The following NUBPL variants were observed in gnomAD, a reference collection of about 807,000 sequenced individuals.
NUBPL encodes the protein iron-sulfur cluster transfer protein NUBPL.
In NUBPL, 31 loss-of-function variants were observed where a neutral mutation model predicts 45.7. The observed-to-expected ratio is 0.68, with a 90% CI of 0.51 to 0.92. NUBPL has a LOEUF of 0.92. Among genes scored for constraint, NUBPL ranks in the 40% least tolerant of loss-of-function variants. NUBPL has a pLI of 0.00. For missense variants in NUBPL, 401 were observed against 398.7 expected (o/e 1.01, Z -0.05); for synonymous variants, 144 against 140.9 (o/e 1.02, Z -0.15).
chr14:31,627,218 C>T (rs4981869), intron 4 of NUBPL, among the ~76,000 whole-genome samples: 46,501 of 151,694 alleles, frequency 0.31, 7,781 homozygotes, highest in South Asian at 0.41. Context: ...TTAATTTCCC[C>T]GCTTTACTTT....
At chr14:31,769,908 A>G (rs952871639) in intron 6 of NUBPL, among the ~76,000 whole-genome samples, 2 of 152,092 alleles carry the variant, frequency 1.3e-5, no homozygotes, top group Admixed American at 1.3e-4. Context: ...CTAGTTTGTG[A>G]CAAGAATGAT....
chr14:31,808,548 A>G (rs1324289253), intron 7 of NUBPL, among the ~76,000 whole-genome samples: 1 of 152,164 alleles, frequency 6.6e-6, no homozygotes, highest in African/African-American at 2.4e-5. Context: ...TAGATATACA[A>G]TCATGTCATC....
chr14:31,574,101 A>C (rs139626766), intron 3 of NUBPL, among the ~76,000 whole-genome samples: 1 of 152,360 alleles, frequency 6.6e-6, no homozygotes, highest in African/African-American at 2.4e-5. Flanking sequence ...TTTATTTTTC[A>C]CTGAGCAAAT....
At chr14:31,815,126 G>A (rs1343079858) in intron 7 of NUBPL, among the ~76,000 whole-genome samples, 1 of 152,092 alleles carries the variant, frequency 6.6e-6, no homozygotes. Flanking sequence ...ATTACTTTGG[G>A]CAGTATCGCC....
intron 4 of NUBPL, among the ~76,000 whole-genome samples, chr14:31,662,671 T>G (rs1214221290): frequency 6.6e-6 from 1 of 152,202 alleles, no homozygotes; most frequent in African/African-American, 2.4e-5. Flanking sequence ...TATGGCTGCA[T>G]AGTATTCTGT....
intron 4 of NUBPL, among the ~76,000 whole-genome samples, chr14:31,631,492 C>T (rs1312131780): frequency 6.6e-6 from 1 of 151,608 alleles, no homozygotes; most frequent in Non-Finnish European, 1.5e-5. Flanking sequence ...ACCCCCACCC[C>T]ACCCCCCACA....
At chr14:31,649,923 A>G (rs781056029) in intron 4 of NUBPL, among the ~76,000 whole-genome samples, 1 of 152,086 alleles carries the variant, frequency 6.6e-6, no homozygotes, top group South Asian at 2.1e-4. Context: ...GCAATGGCGC[A>G]ATCTCCGCTC....
At chr14:31,679,160 A>G (rs528265239) in intron 6 of NUBPL, among the ~76,000 whole-genome samples, 13 of 152,268 alleles carry the variant, frequency 8.5e-5, no homozygotes, top group African/African-American at 3.1e-4. Flanking sequence ...CTCTTGGGTG[A>G]TGGGGAAGGG....
chr14:31,613,884 A>G (rs902164369), intron 4 of NUBPL, among the ~76,000 whole-genome samples: 1 of 152,132 alleles, frequency 6.6e-6, no homozygotes, highest in Admixed American at 6.6e-5. Flanking sequence ...TATACATACT[A>G]TGTACTCACA....
intron 4 of NUBPL, among the ~76,000 whole-genome samples, chr14:31,649,295 G>T (rs1195836041): frequency 6.6e-6 from 1 of 152,116 alleles, no homozygotes; most frequent in Non-Finnish European, 1.5e-5. Context: ...TGTTAGATTT[G>T]CAAGGCTACC....
chr14:31,727,702 C>G (rs1241562198), intron 6 of NUBPL, among the ~76,000 whole-genome samples: 1 of 152,116 alleles, frequency 6.6e-6, no homozygotes, highest in Non-Finnish European at 1.5e-5. Flanking sequence ...GTCTTGACTC[C>G]CCTTCCTAGT....
At chr14:31,820,883 A>G (rs12878817) in intron 7 of NUBPL, among the ~76,000 whole-genome samples, 79,231 of 150,370 alleles carry the variant, frequency 0.53, 22,545 homozygotes, top group African/African-American at 0.77. Flanking sequence ...CACTTTGGGA[A>G]GCTGAGGTGG....
intron 6 of NUBPL, among the ~76,000 whole-genome samples, chr14:31,732,627 T>G (rs1215551343): frequency 6.8e-6 from 1 of 146,926 alleles, no homozygotes; most frequent in Non-Finnish European, 1.5e-5. Flanking sequence ...TTTTTTTTTT[T>G]TTGAGATGGA....
chr14:31,609,931 G>C (rs1357871610), intron 4 of NUBPL, among the ~76,000 whole-genome samples: 2 of 151,874 alleles, frequency 1.3e-5, no homozygotes, highest in Non-Finnish European at 2.9e-5. Context: ...GTACTAAGAG[G>C]GAAGTTTGTA....
intron 3 of NUBPL, among the ~76,000 whole-genome samples, chr14:31,567,721 T>C (rs2033474578): frequency 6.6e-6 from 1 of 152,250 alleles, no homozygotes; most frequent in Non-Finnish European, 1.5e-5. Flanking sequence ...GTGTTTTTCT[T>C]AGTGACCTCT....
chr14:31,854,919 T>TA (rs2040593204), intron 10 of NUBPL, among the ~76,000 whole-genome samples: 1 of 152,246 alleles, frequency 6.6e-6, no homozygotes, highest in African/African-American at 2.4e-5. Flanking sequence ...TTGAAACTGT[T>TA]AAACTAAGCA....
chr14:31,775,959 G>T (rs1184014987), intron 6 of NUBPL, among the ~76,000 whole-genome samples: 1 of 152,174 alleles, frequency 6.6e-6, no homozygotes, highest in Non-Finnish European at 1.5e-5. Context: ...TGGTCAGGAA[G>T]GTCAGGAAAC....
chr14:31,639,846 T>C (rs905933986), intron 4 of NUBPL, among the ~76,000 whole-genome samples: 2 of 152,148 alleles, frequency 1.3e-5, no homozygotes, highest in African/African-American at 4.8e-5. Context: ...ACTGCTGTGC[T>C]AGCAATCAGA....
intron 4 of NUBPL, among the ~76,000 whole-genome samples, chr14:31,627,765 C>CAAA (rs34778685): frequency 5.5e-5 from 6 of 109,346 alleles, no homozygotes; most frequent in South Asian, 6.0e-4. Flanking sequence ...GACTCTGTCT[C>CAAA]AAAAAAAAAA....
Sources: gnomAD v4.1 joint callset for allele counts (sites outside exome capture counted in the v4.1 genomes callset) on GRCh38, gnomAD v4.1.1 for gene constraint, MANE v1.5 for transcripts, NCBI Gene and HGNC (gene_info 2026-07-23, HGNC 2026-07-21) for gene names.